The following MINK1 variants were observed in gnomAD, a reference collection of about 807,000 sequenced individuals.
MINK1 encodes misshapen like kinase 1, also known as misshapen-like kinase 1.
A neutral mutation model predicts 178.4 loss-of-function variants in MINK1; 46 were observed. The observed-to-expected ratio is 0.26, with a 90% CI of 0.20 to 0.33. The LOEUF is 0.33. MINK1 is among the 10% of genes least tolerant of loss of function. MINK1 has a pLI of 1.00. For synonymous variants in MINK1, 797 were observed against 709.7 expected, an observed-to-expected ratio of 1.12 and a Z score of -1.96; for missense variants, 1,366 against 1,814.9, an observed-to-expected ratio of 0.75 and a Z score of 4.49.
chr17:4,839,939 ATGTGTGTGTGTGTGTGTGTGTGTGTGTG>A (rs34473686), intron 1 of MINK1, among the ~76,000 whole-genome samples: 1 of 141,888 alleles, frequency 7.0e-6, no homozygotes, highest in Non-Finnish European at 1.5e-5. Flanking sequence ...TTATTTATTA[ATGTGTGTGTGTGTGTGTGTGTGTGTGTG>A]TGTGTGTGTG....
intron 1 of MINK1, among the ~76,000 whole-genome samples, chr17:4,863,355 C>G (rs1233971300): frequency 6.6e-6 from 1 of 152,214 alleles, no homozygotes; most frequent in Non-Finnish European, 1.5e-5. Flanking sequence ...AATGGGCTCT[C>G]CAGCCTTGAC....
Position 4,895,865 on chromosome 17 carries a change from A to G in MINK1, c.3364+33A>G, listed in dbSNP as rs1434411640. ...TGTCCCAACAGAGTGGCCAGCGCAT[A>G]CTTGTTCATGAAGAGAGAAATGGAT... On this transcript the variant is annotated intron_variant, in intron 27 of 31. Coordinates refer to ENST00000355280, the MANE Select transcript of MINK1 (RefSeq NM_153827.5). The surrounding 1 kb of genome is among the most constrained non-coding windows in gnomAD (Gnocchi z 4.3). 1.9e-6 allele frequency: 3 copies of G among 1,607,248 alleles called. No individual in the cohort carries two copies. Among genetic ancestry groups the G allele is most frequent in the Non-Finnish European group, 2.6e-6 (3 of 1,175,876 alleles).
Position 4,885,643 on chromosome 17 carries a change from G to A in MINK1, c.639+30G>A. The A allele has an allele frequency of 6.2e-7, 1 of 1,612,944 alleles. No individual in the cohort carries two copies. Among genetic ancestry groups the A allele is most frequent in the Non-Finnish European group, 8.5e-7 (1 of 1,179,292 alleles). On this transcript the variant is annotated intron_variant, in intron 7 of 31. Coordinates refer to ENST00000355280, the MANE Select transcript of MINK1 (RefSeq NM_153827.5). This position sits in a 1 kb window ranked among gnomAD's most constrained non-coding sequence, Gnocchi z 5.0. The stretch of plus-strand genomic sequence containing the variant: ...GGAGTGGAAAGTTGGGAGCATGGGG[G>A]CTGCCAAGGGCGGGAAGCAATATGG...
intron 1 of MINK1, among the ~76,000 whole-genome samples, chr17:4,861,462 T>C (rs1169651067): frequency 2.0e-5 from 3 of 152,166 alleles, no homozygotes; most frequent in East Asian, 3.8e-4. Flanking sequence ...CCAACACTTG[T>C]ATGGTATCTT....
chr17:4,892,781 G>A lies in MINK1; in HGVS notation c.2311+13G>A. The A allele has an allele frequency of 6.3e-7, 1 of 1,590,612 alleles. No individual in the cohort carries two copies. ...AACCGCGTGGGAGGTATGTGAGCCA[G>A]GGCTGGGCAGCCTGCTCTGGGCCTG... On this transcript the variant is annotated intron_variant, in intron 19 of 31. Coordinates refer to ENST00000355280, the MANE Select transcript of MINK1 (RefSeq NM_153827.5).
At chr17:4,837,133 G>A (rs1256530569) in intron 1 of MINK1, among the ~76,000 whole-genome samples, 1 of 152,216 alleles carries the variant, frequency 6.6e-6, no homozygotes, top group Non-Finnish European at 1.5e-5. Flanking sequence ...GCTGCAGTGA[G>A]CCAAGATTGC....
At chr17:4,850,066 A>T (rs1241639820) in intron 1 of MINK1, among the ~76,000 whole-genome samples, 3 of 152,030 alleles carry the variant, frequency 2.0e-5, no homozygotes. Context: ...GTATTTTTTC[A>T]TCAGAGTCTT....
intron 1 of MINK1, among the ~76,000 whole-genome samples, chr17:4,858,541 G>A (rs1913570151): frequency 6.7e-6 from 1 of 150,116 alleles, no homozygotes; most frequent in South Asian, 2.1e-4. Flanking sequence ...CAGTGGTGCA[G>A]TCTCGGCTCA....
intron 31 of MINK1, 191 bp from the exon 32 acceptor site, chr17:4,897,013 C>A: frequency 5.6e-6 from 5 of 892,494 alleles, no homozygotes; most frequent in South Asian, 1.8e-5. Flanking sequence ...CCCCAGGGGG[C>A]GAGTGGTGCA....
rs935201945 is a variant in MINK1, at chr17:4,877,554, C to T, written c.58-763C>T. ...ATTCCTGCTCCCTGCTAGCTTTCCT[C>T]ATCCCTGCTTTTAAGAAGTAAGATA... is the stretch of plus-strand genomic sequence containing the variant. On this transcript the variant is annotated intron_variant, in intron 1 of 31. Coordinates refer to ENST00000355280, the MANE Select transcript of MINK1 (RefSeq NM_153827.5). Among the ~76,000 whole-genome samples the T allele has an allele frequency of 2.6e-5, 4 of 152,304 alleles. No homozygotes were observed. The East Asian group carries it at 5.8e-4, about 22-fold the overall frequency.
intron 1 of MINK1, among the ~76,000 whole-genome samples, chr17:4,855,191 A>AAG: frequency 2.5e-5 from 1 of 40,018 alleles, no homozygotes; most frequent in Non-Finnish European, 1.5e-4. Flanking sequence ...CTCCTGTCTT[A>AAG]AAAAAAAAAA....
At position 4,891,611 on chromosome 17, in the gene MINK1, C is replaced by T. The variant is rs776435471; in HGVS notation, c.1896C>T (p.Ala632=). 4 of 1,603,204 alleles carry T rather than the reference C, an allele frequency of 2.5e-6. No homozygotes were observed. The highest frequency in any genetic ancestry group is 3.4e-6 in the Non-Finnish European group (4 of 1,175,518). The change falls in exon 16 of 32, where the codon GCC becomes GCT. Residue 632 remains alanine, a synonymous_variant. Transcript: ENST00000355280. ...CCGCACCCACTGCCACGCCCAGTGC[C>T]CGAGGAGCTGTCATCCGCCAGAATT... is the stretch of plus-strand genomic sequence containing the variant. The part of the protein sequence containing the change: ...AIPAPTATPS[A]RGAVIRQNSD...
chr17:4,860,482 A>G (rs1323144237), intron 1 of MINK1, among the ~76,000 whole-genome samples: 1 of 148,106 alleles, frequency 6.8e-6, no homozygotes, highest in Non-Finnish European at 1.5e-5. Flanking sequence ...TCTCTTGGGA[A>G]ATAATCAAAC....
At chr17:4,860,741 C>G (rs762179942) in intron 1 of MINK1, 2 of 519,946 alleles carry the variant, frequency 3.8e-6, no homozygotes, top group African/African-American at 3.9e-5. Flanking sequence ...CTGGTTCTCC[C>G]CTGGTCAGTT....
At chr17:4,842,095 G>A (rs1408676886) in intron 1 of MINK1, among the ~76,000 whole-genome samples, 1 of 151,656 alleles carries the variant, frequency 6.6e-6, no homozygotes, top group Non-Finnish European at 1.5e-5. Flanking sequence ...GCGGTGGTGG[G>A]CGCCTGTAGT....
At chr17:4,868,283 T>C (rs190877561) in intron 1 of MINK1, among the ~76,000 whole-genome samples, 1 of 152,300 alleles carries the variant, frequency 6.6e-6, no homozygotes, top group East Asian at 1.9e-4. Context: ...AACCCTCTTC[T>C]AGCTCTTTTT....
intron 5 of MINK1, 96 bp downstream of exon 5, chr17:4,884,569 A>C: frequency 1.1e-6 from 1 of 914,460 alleles, no homozygotes; most frequent in Admixed American, 2.1e-5. Context: ...AGGAGACATC[A>C]CTGCCCTCTT....
rs1160293440 is a variant in MINK1 at position 4,836,949 on chromosome 17, AGATG to A, written c.57+3313_57+3316del. 6.6e-6 allele frequency among the ~76,000 whole-genome samples: 1 copy of A among 152,114 alleles called. No homozygotes were observed. The highest frequency in any genetic ancestry group is 1.5e-5 in the Non-Finnish European group (1 of 68,024). ...TCCCAGCACTTTGGGAGGCCGAGGC[AGATG>A]GATCACCTGAGAGGTCAGAAGTTCG... On this transcript the variant is annotated intron_variant, in intron 1 of 31. Coordinates refer to ENST00000355280, the MANE Select transcript of MINK1 (RefSeq NM_153827.5). This position sits in a 1 kb window ranked among gnomAD's most constrained non-coding sequence, Gnocchi z 4.3.
At position 4,896,819 on chromosome 17, in the gene MINK1, A is replaced by G. The variant is rs1209359185; in HGVS notation, c.3915+6A>G. The G allele has an allele frequency of 5.2e-6, 8 of 1,552,664 alleles. No homozygotes were observed. Among genetic ancestry groups the G allele is most frequent in the Non-Finnish European group, 6.1e-6 (7 of 1,150,008 alleles). ...TGTGTGAGCGGAATGACAAGGTGGG[A>G]GGCTCCTTCCCTCTGAAAGCCCTGC... On this transcript the variant is annotated splice_donor_region_variant and intron_variant, in intron 31 of 31. Coordinates refer to ENST00000355280, the MANE Select transcript of MINK1 (RefSeq NM_153827.5). The surrounding 1 kb of genome is among the most constrained non-coding windows in gnomAD (Gnocchi z 4.6).
Sources: gnomAD v4.1 joint callset for allele counts (sites outside exome capture counted in the v4.1 genomes callset) on GRCh38, gnomAD v4.1.1 for gene constraint, Gnocchi (gnomAD v3.1) non-coding constraint, MANE v1.5 for transcripts, NCBI Gene and HGNC (gene_info 2026-07-23, HGNC 2026-07-21) for gene names.